The following RNGTT variants were observed in gnomAD, a reference collection of about 807,000 sequenced individuals.
RNGTT encodes mRNA-capping enzyme.
Under a neutral mutation model 79.3 loss-of-function variants are expected in RNGTT, and 33 were observed. The ratio of observed to expected loss-of-function variants is 0.42; its 90% CI spans 0.32 to 0.56. RNGTT has a LOEUF of 0.56. RNGTT is among the 20% of genes least tolerant of loss of function. The pLI, the probability that RNGTT is intolerant of heterozygous loss-of-function variation, is 0.17. For missense variants in RNGTT, 497 were observed against 739.1 expected (o/e 0.67, Z 3.80); for synonymous variants, 222 against 235.9 (o/e 0.94, Z 0.54).
chr6:88,915,636 C>G (rs1331304003), intron 4 of RNGTT, among the ~76,000 whole-genome samples: 1 of 152,156 alleles, frequency 6.6e-6, no homozygotes, highest in Non-Finnish European at 1.5e-5. Flanking sequence ...GGAACAAGGG[C>G]AAGGGCTGAA....
At chr6:88,616,773 T>C (rs1434745867) in intron 14 of RNGTT, among the ~76,000 whole-genome samples, 1 of 152,228 alleles carries the variant, frequency 6.6e-6, no homozygotes, top group Non-Finnish European at 1.5e-5. Flanking sequence ...GAGTTCCTTA[T>C]ATATTCTGGA....
chr6:88,641,055 G>A (rs143998937), intron 14 of RNGTT, among the ~76,000 whole-genome samples: 2 of 151,926 alleles, frequency 1.3e-5, no homozygotes, highest in African/African-American at 4.8e-5. Flanking sequence ...GTGTTAAGAC[G>A]ACCGGCCGGG....
At chr6:88,895,837 T>A (rs966736238) in intron 6 of RNGTT, among the ~76,000 whole-genome samples, 1 of 152,132 alleles carries the variant, frequency 6.6e-6, no homozygotes, top group Non-Finnish European at 1.5e-5. Flanking sequence ...GTCCCCTTTC[T>A]TCTCTGATGG....
chr6:88,940,839 A>C (rs1784822747), intron 2 of RNGTT, among the ~76,000 whole-genome samples: 1 of 152,214 alleles, frequency 6.6e-6, no homozygotes, highest in African/African-American at 2.4e-5. Context: ...ATCAGTTAAC[A>C]GTACTGTATC....
At chr6:88,860,809 A>AT (rs1018839109) in intron 8 of RNGTT, among the ~76,000 whole-genome samples, 13 of 139,524 alleles carry the variant, frequency 9.3e-5, no homozygotes, top group South Asian at 4.7e-4. Flanking sequence ...CCACATCTCT[A>AT]TTTTTTTTTT....
chr6:88,710,989 ATTT>A (rs1776299358), intron 13 of RNGTT, among the ~76,000 whole-genome samples: 1 of 152,176 alleles, frequency 6.6e-6, no homozygotes, highest in South Asian at 2.1e-4. Context: ...ACTATAAACC[ATTT>A]TACTTGTTTC....
intron 4 of RNGTT, among the ~76,000 whole-genome samples, chr6:88,907,500 T>C (rs1028142208): frequency 2.0e-5 from 3 of 152,296 alleles, no homozygotes; most frequent in Non-Finnish European, 4.4e-5. Context: ...TCCACCATGA[T>C]TGTAAGTTTT....
At chr6:88,926,868 C>T (rs1300069934) in intron 4 of RNGTT, among the ~76,000 whole-genome samples, 2 of 152,110 alleles carry the variant, frequency 1.3e-5, no homozygotes, top group Admixed American at 6.5e-5. Context: ...TATGTGATAG[C>T]CAATATTGTT....
intron 8 of RNGTT, among the ~76,000 whole-genome samples, chr6:88,864,390 A>C (rs1782104720): frequency 6.6e-6 from 1 of 152,122 alleles, no homozygotes; most frequent in South Asian, 2.1e-4. Flanking sequence ...TAGCATTAAA[A>C]GTATTTGTAC....
chr6:88,801,269 A>G (rs987478712), intron 12 of RNGTT, among the ~76,000 whole-genome samples: 7 of 152,242 alleles, frequency 4.6e-5, no homozygotes, highest in African/African-American at 1.7e-4. Context: ...TTATTTTTTA[A>G]TAACTAATTA....
At chr6:88,617,326 T>A (rs182507429) in intron 14 of RNGTT, among the ~76,000 whole-genome samples, 1 of 152,204 alleles carries the variant, frequency 6.6e-6, no homozygotes, top group Non-Finnish European at 1.5e-5. Context: ...TAAGGTCTTA[T>A]GTTTTGGTCT....
chr6:88,945,180 C>T lies in RNGTT; in HGVS notation c.65-4000G>A, dbSNP rs561222843. ...TCCCCATTCTTTTGGCCACTCTATCCGAAAGGTAGGAAAGGTAGCAATTAG... is the reference window on the plus strand; with the variant it reads ...TCCCCATTCTTTTGGCCACTCTATCTGAAAGGTAGGAAAGGTAGCAATTAG... On this transcript the variant is annotated intron_variant, in intron 1 of 15. Coordinates refer to ENST00000369485, the MANE Select transcript of RNGTT (RefSeq NM_003800.5). Among the ~76,000 whole-genome samples the T allele has an allele frequency of 5.3e-5, 8 of 152,272 alleles. No homozygotes were observed. In the South Asian group the frequency reaches 8.3e-4, roughly 16 times the overall value.
chr6:88,956,121 A>T (rs1318217260), intron 1 of RNGTT, among the ~76,000 whole-genome samples: 1 of 151,896 alleles, frequency 6.6e-6, no homozygotes, highest in African/African-American at 2.4e-5. Context: ...ATTAACCAAG[A>T]AAAGAAGAAG....
chr6:88,904,596 G>A, intron 6 of RNGTT, 119 bp downstream of exon 6: 1 of 1,240,530 alleles, frequency 8.1e-7, no homozygotes, highest in Non-Finnish European at 1.1e-6. Context: ...GAAAGGGCTA[G>A]GATGAATCAT....
At chr6:88,884,151 G>A (rs887480032) in intron 8 of RNGTT, among the ~76,000 whole-genome samples, 6 of 152,134 alleles carry the variant, frequency 3.9e-5, no homozygotes, top group African/African-American at 7.2e-5. Context: ...TCTAGAAATT[G>A]ACCCTGAGGT....
intron 6 of RNGTT, among the ~76,000 whole-genome samples, chr6:88,898,812 A>G (rs1382821938): frequency 6.8e-6 from 1 of 147,774 alleles, no homozygotes; most frequent in Non-Finnish European, 1.5e-5. Flanking sequence ...ATGAAGAAAT[A>G]TTTTGCCTTT....
At chr6:88,686,427 T>C (rs1408212824) in intron 13 of RNGTT, among the ~76,000 whole-genome samples, 1 of 151,980 alleles carries the variant, frequency 6.6e-6, no homozygotes, top group Non-Finnish European at 1.5e-5. Context: ...TATAAGCTCA[T>C]TCGAAAATAT....
At chr6:88,846,738 T>G (rs1447878985) in intron 10 of RNGTT, among the ~76,000 whole-genome samples, 1 of 148,786 alleles carries the variant, frequency 6.7e-6, no homozygotes, top group Admixed American at 6.8e-5. Context: ...CCAGCCTGGG[T>G]GACAGAGGAA....
chr6:88,953,223 A>G (rs1362008549), intron 1 of RNGTT, among the ~76,000 whole-genome samples: 1 of 152,232 alleles, frequency 6.6e-6, no homozygotes, highest in Non-Finnish European at 1.5e-5. Context: ...ATTTTAAAAA[A>G]TACAAGATAT....
Sources: gnomAD v4.1 joint callset for allele counts (sites outside exome capture counted in the v4.1 genomes callset) on GRCh38, gnomAD v4.1.1 for gene constraint, MANE v1.5 for transcripts, NCBI Gene and HGNC (gene_info 2026-07-23, HGNC 2026-07-21) for gene names.